FCHSD2: variants seen among roughly 807,000 people sequenced by gnomAD.
FCHSD2 encodes FCH and double SH3 domains 2.
FCHSD2 carries 38 observed loss-of-function variants against 108.1 expected under a neutral mutation model. The observed-to-expected ratio is 0.35, with a 90% CI of 0.27 to 0.46. The LOEUF is 0.46. Among genes scored for constraint, FCHSD2 ranks in the 20% least tolerant of loss-of-function variants. The pLI is 1.00. For synonymous variants in FCHSD2, 279 were observed against 314.7 expected, an observed-to-expected ratio of 0.89 and a Z score of 1.20; for missense variants, 751 against 897.8, an observed-to-expected ratio of 0.84 and a Z score of 2.09.
chr11:72,970,611 C>T (rs529030676), intron 8 of FCHSD2, among the ~76,000 whole-genome samples: 1 of 152,306 alleles, frequency 6.6e-6, no homozygotes, highest in East Asian at 1.9e-4. Flanking sequence ...CTGGTTTCTT[C>T]TGTGCATTAC....
chr11:72,920,102 C>T (rs1409655298), intron 9 of FCHSD2, among the ~76,000 whole-genome samples: 1 of 151,970 alleles, frequency 6.6e-6, no homozygotes, highest in Non-Finnish European at 1.5e-5. Context: ...ATAACATAAA[C>T]TGTAAGACAG....
chr11:73,021,735 T>A (rs1196150140), intron 3 of FCHSD2, among the ~76,000 whole-genome samples: 1 of 152,072 alleles, frequency 6.6e-6, no homozygotes, highest in Non-Finnish European at 1.5e-5. Context: ...AGCTCATTCA[T>A]GACAGAATTC....
chr11:73,020,480 A>C (rs945843250), intron 3 of FCHSD2, among the ~76,000 whole-genome samples: 14 of 152,242 alleles, frequency 9.2e-5, no homozygotes, highest in Non-Finnish European at 2.1e-4. Flanking sequence ...GGCATTATGC[A>C]AGTGATCTTT....
At chr11:72,901,379 AGAGT>A (rs891558610) in intron 10 of FCHSD2, among the ~76,000 whole-genome samples, 4 of 152,140 alleles carry the variant, frequency 2.6e-5, no homozygotes, top group African/African-American at 9.7e-5. Flanking sequence ...CCCCAGTGAC[AGAGT>A]GAGACCCTGT....
chr11:73,135,731 CA>C (rs1861106117), intron 2 of FCHSD2, among the ~76,000 whole-genome samples: 1 of 152,174 alleles, frequency 6.6e-6, no homozygotes, highest in Admixed American at 6.5e-5. Context: ...CTTTTCATCT[CA>C]AACTTCACTC....
chr11:73,013,173 A>C (rs906096148), intron 4 of FCHSD2, among the ~76,000 whole-genome samples: 22 of 152,168 alleles, frequency 1.4e-4, no homozygotes, highest in African/African-American at 4.8e-4. Context: ...TGTATCCTTA[A>C]TCTCCACCAC....
intron 8 of FCHSD2, among the ~76,000 whole-genome samples, chr11:72,924,051 C>A (rs549620705): frequency 6.6e-6 from 1 of 150,830 alleles, no homozygotes; most frequent in African/African-American, 2.4e-5. Flanking sequence ...ATATTTTCTC[C>A]CATTTTGTGG....
At chr11:73,087,256 A>G (rs922607364) in intron 2 of FCHSD2, among the ~76,000 whole-genome samples, 2 of 152,242 alleles carry the variant, frequency 1.3e-5, no homozygotes, top group African/African-American at 4.8e-5. Flanking sequence ...TCAAAAGCTT[A>G]TAAAGATATA....
At chr11:73,092,680 C>T (rs774503428) in intron 2 of FCHSD2, among the ~76,000 whole-genome samples, 1 of 152,176 alleles carries the variant, frequency 6.6e-6, no homozygotes, top group Non-Finnish European at 1.5e-5. Flanking sequence ...AGTAGGTTAG[C>T]TCCTGAGACA....
At position 73,140,083 on chromosome 11, in the gene FCHSD2, T is replaced by C. The variant is rs1391489459; in HGVS notation, c.67A>G (p.Thr23Ala). ...GCTTGATGTTTGGCTTGAAGTTTTG[T>C]CATCTGCTCAACTTGAATGTTTTTC... Reference protein sequence around the residue: ...ELKNIQVEQMTKLQAKHQAEC... With the variant: ...ELKNIQVEQMAKLQAKHQAEC... The change falls in exon 2 of 20, where the codon ACA becomes GCA. Residue 23 changes from threonine to alanine, a missense_variant. Coordinates refer to ENST00000409418, the MANE Select transcript of FCHSD2 (RefSeq NM_014824.3). 1.3e-6 allele frequency: 2 copies of C among 1,549,292 alleles called. No individual in the cohort carries two copies. Among genetic ancestry groups the C allele is most frequent in the East Asian group, 4.8e-5 (2 of 41,414 alleles).
intron 9 of FCHSD2, among the ~76,000 whole-genome samples, chr11:72,914,117 T>C (rs1372729125): frequency 6.6e-6 from 1 of 152,092 alleles, no homozygotes; most frequent in Non-Finnish European, 1.5e-5. Flanking sequence ...TGGGTTCAAG[T>C]GATTCTCCTG....
At chr11:73,090,219 CTTTTTTTTTTTTT>C (rs59603567) in intron 2 of FCHSD2, among the ~76,000 whole-genome samples, 14 of 77,024 alleles carry the variant, frequency 1.8e-4, no homozygotes, top group African/African-American at 7.6e-4. Flanking sequence ...TACAATACTT[CTTTTTTTTTTTTT>C]TTTTTTTTTT....
intron 4 of FCHSD2, among the ~76,000 whole-genome samples, chr11:73,006,882 A>G (rs1188661246): frequency 6.6e-6 from 1 of 152,214 alleles, no homozygotes; most frequent in African/African-American, 2.4e-5. Flanking sequence ...GGAAGGAATG[A>G]TGGAGCCTAG....
intron 8 of FCHSD2, among the ~76,000 whole-genome samples, chr11:72,955,506 T>C (rs756300266): frequency 4.6e-5 from 7 of 152,108 alleles, no homozygotes; most frequent in Non-Finnish European, 7.4e-5. Flanking sequence ...AAGTCACCCT[T>C]TAAGCTCCTC....
intron 3 of FCHSD2, among the ~76,000 whole-genome samples, chr11:73,075,786 T>G (rs1477135406): frequency 6.6e-6 from 1 of 150,742 alleles, no homozygotes; most frequent in Non-Finnish European, 1.5e-5. Flanking sequence ...CTGACAAGAC[T>G]GTCTCAAAAG....
intron 8 of FCHSD2, among the ~76,000 whole-genome samples, chr11:72,946,293 A>G (rs1182268102): frequency 6.6e-6 from 1 of 151,708 alleles, no homozygotes; most frequent in East Asian, 1.9e-4. Context: ...GACTATCGCA[A>G]GGACAAAAAA....
In FCHSD2 at chr11:72,924,439, G is replaced by A. The variant is rs1423881458; in HGVS notation, c.706-2489C>T. Among the ~76,000 whole-genome samples the A allele has an allele frequency of 3.1e-5, 4 of 129,930 alleles. 1 individual carries two copies. The highest frequency in any genetic ancestry group is 5.0e-5 in the Non-Finnish European group (3 of 59,722). 85.2% of individuals were successfully genotyped at this position (129,930 alleles called of 152,430 possible). A position where few individuals can be genotyped will look rare whatever the true frequency, so the allele number is the denominator to read the frequency against. ...ACTACAGGTGCCCGCCACCACACCC[G>A]GCTTTTTTTTTTTTTTGTATTTTCA... On this transcript the variant is annotated intron_variant, in intron 8 of 19. Transcript: ENST00000409418.
intron 2 of FCHSD2, among the ~76,000 whole-genome samples, chr11:73,086,490 C>G (rs1326908507): frequency 6.6e-6 from 1 of 151,920 alleles, no homozygotes; most frequent in Non-Finnish European, 1.5e-5. Context: ...AGAAAAAGAA[C>G]AAATTAAACC....
At chr11:72,859,713 G>A (rs1861520297) in intron 13 of FCHSD2, among the ~76,000 whole-genome samples, 1 of 152,136 alleles carries the variant, frequency 6.6e-6, no homozygotes, top group Admixed American at 6.5e-5. Context: ...TCCTCCTCAA[G>A]ACTTTGGCTG....
Sources: gnomAD v4.1 joint callset for allele counts (sites outside exome capture counted in the v4.1 genomes callset) on GRCh38, gnomAD v4.1.1 for gene constraint, MANE v1.5 for transcripts, NCBI Gene and HGNC (gene_info 2026-07-23, HGNC 2026-07-21) for gene names.